The following TMTC3 variants were observed in gnomAD, a reference collection of about 807,000 sequenced individuals.
TMTC3 encodes the protein protein O-mannosyl-transferase TMTC3.
A neutral mutation model predicts 92.2 loss-of-function variants in TMTC3; 52 were observed. The observed-to-expected ratio is 0.56, with a 90% confidence interval of 0.45 to 0.71. TMTC3 has a LOEUF of 0.71. Ranked by LOEUF, TMTC3 falls within the 30% of genes least tolerant of loss-of-function variation. TMTC3 has a pLI of 0.00. For missense variants in TMTC3, 896 were observed against 1,057.1 expected (o/e 0.85, Z 2.11); for synonymous variants, 339 against 363.3 (o/e 0.93, Z 0.76).
intron 6 of TMTC3, among the ~76,000 whole-genome samples, chr12:88,163,067 C>T (rs1157940472): frequency 6.6e-6 from 1 of 152,064 alleles, no homozygotes; most frequent in Non-Finnish European, 1.5e-5. Flanking sequence ...AGGCATGCGC[C>T]ACCACGCCCA....
chr12:88,170,633 A>G (rs1337720617), intron 7 of TMTC3, among the ~76,000 whole-genome samples: 1 of 152,190 alleles, frequency 6.6e-6, no homozygotes, highest in African/African-American at 2.4e-5. Context: ...ACACCTCTAT[A>G]TTTCACAAAT....
chr12:88,195,006 T>C lies in TMTC3; in HGVS notation c.2102T>C (p.Phe701Ser), dbSNP rs770433733. Residue 701 changes from phenylalanine (F) to serine (S), a missense_variant, in exon 14 of 14, where the codon TTC (phenylalanine) becomes TCC (serine). Phe to Ser is a radical substitution (Grantham distance 155). Coordinates refer to ENST00000266712, the MANE Select transcript of TMTC3 (RefSeq NM_181783.4). ...MKKAIKLQAD[F>S]RSALFNLALL... ...AAAGCCATAAAGTTACAAGCCGACT[T>C]CCGAAGTGCTTTGTTTAATCTGGCT... The C allele has an allele frequency of 1.9e-6, 3 of 1,613,826 alleles. No homozygotes were observed. The highest frequency in any genetic ancestry group is 2.5e-6 in the Non-Finnish European group (3 of 1,179,900).
chr12:88,162,171 G>A lies in TMTC3; in HGVS notation c.797+1320G>A, dbSNP rs568962482. Among the ~76,000 whole-genome samples the A allele has an allele frequency of 7.2e-5, 11 of 151,976 alleles. No homozygotes were observed. In the South Asian group the frequency reaches 1.5e-3, roughly 20 times the overall value. ...TGAAAATGTAAATCTACTGTCTTCCGGCTTTTATTGTTTTCAGTGGGAAAA... is the reference window on the plus strand; with the variant it reads ...TGAAAATGTAAATCTACTGTCTTCCAGCTTTTATTGTTTTCAGTGGGAAAA... On this transcript the variant is annotated intron_variant, in intron 6 of 13. Coordinates refer to ENST00000266712, the MANE Select transcript of TMTC3 (RefSeq NM_181783.4).
chr12:88,173,150 C>A, intron 8 of TMTC3: 1 of 1,118,874 alleles, frequency 8.9e-7, no homozygotes, highest in Non-Finnish European at 1.1e-6. Context: ...TAATTTCTTG[C>A]TATCATCACT....
chr12:88,151,833 A>G (rs770806754), intron 2 of TMTC3, among the ~76,000 whole-genome samples: 3 of 152,208 alleles, frequency 2.0e-5, no homozygotes, highest in Non-Finnish European at 4.4e-5. Context: ...CCTTAAAAAT[A>G]GCTTTATATG....
chr12:88,153,650 A>T, intron 3 of TMTC3, 141 bp downstream of exon 3: 1 of 521,110 alleles, frequency 1.9e-6, no homozygotes, highest in Non-Finnish European at 3.3e-6. Context: ...TTAAATTCGT[A>T]CAGTTAATTC....
intron 2 of TMTC3, among the ~76,000 whole-genome samples, chr12:88,148,965 CTTTA>C (rs757764768): frequency 2.6e-5 from 4 of 151,990 alleles, no homozygotes; most frequent in Non-Finnish European, 5.9e-5. Flanking sequence ...TGCTAATTGA[CTTTA>C]TTTCTCTTTT....
intron 11 of TMTC3, among the ~76,000 whole-genome samples, 181 bp downstream of exon 11, chr12:88,189,127 T>C (rs2041411851): frequency 6.6e-6 from 1 of 151,786 alleles, no homozygotes; most frequent in African/African-American, 2.4e-5. Context: ...GGAGTCTTGC[T>C]GTATTGCCCA....
intron 4 of TMTC3, among the ~76,000 whole-genome samples, chr12:88,156,059 G>A (rs756170972): frequency 2.0e-5 from 3 of 152,092 alleles, no homozygotes; most frequent in South Asian, 2.1e-4. Context: ...GCAGTGAGTC[G>A]AGATCACGCC....
Position 88,160,856 on chromosome 12 carries a change from G to C in TMTC3, c.797+5G>C. On this transcript the variant is annotated splice_donor_5th_base_variant and intron_variant, in intron 6 of 13. Transcript: ENST00000266712. ...CCAACTTCCAGTATTCACCAGGTAT[G>C]AAATTCTGGTTCTTTGTTTTCTCCA... is the stretch of plus-strand genomic sequence containing the variant. 1 of 1,570,782 alleles carries C rather than the reference G, an allele frequency of 6.4e-7. No homozygotes were observed. Among genetic ancestry groups the C allele is most frequent in the African/African-American group, 1.4e-5 (1 of 72,728 alleles).
At chr12:88,155,749 T>C (rs1016907195) in intron 4 of TMTC3, among the ~76,000 whole-genome samples, 1 of 152,228 alleles carries the variant, frequency 6.6e-6, no homozygotes, top group Non-Finnish European at 1.5e-5. Context: ...TCCAAATACT[T>C]GTACTTGGTG....
chr12:88,189,587 G>A (rs1420191747), intron 11 of TMTC3, among the ~76,000 whole-genome samples: 1 of 152,014 alleles, frequency 6.6e-6, no homozygotes, highest in Non-Finnish European at 1.5e-5. Context: ...AAAATTAGTA[G>A]ATACATCTCT....
intron 6 of TMTC3, 41 bp downstream of exon 6, chr12:88,160,892 T>A (rs1336473918): frequency 1.3e-6 from 2 of 1,529,252 alleles, no homozygotes; most frequent in African/African-American, 2.8e-5. Context: ...TTCTTTTTTT[T>A]AACTTTGGAT....
intron 12 of TMTC3, among the ~76,000 whole-genome samples, chr12:88,190,835 A>G (rs1430435919): frequency 6.6e-6 from 1 of 152,210 alleles, no homozygotes; most frequent in African/African-American, 2.4e-5. Context: ...GTAATAGCCA[A>G]CTTAGGTTTT....
chr12:88,166,992 GTTTTTTT>G (rs36110529), intron 7 of TMTC3, among the ~76,000 whole-genome samples: 1 of 121,434 alleles, frequency 8.2e-6, no homozygotes, highest in African/African-American at 3.0e-5. Flanking sequence ...TATTTGAACA[GTTTTTTT>G]TTTTTTTTTT....
At chr12:88,175,543 C>T (rs557532436) in intron 9 of TMTC3, among the ~76,000 whole-genome samples, 2 of 152,280 alleles carry the variant, frequency 1.3e-5, no homozygotes, top group African/African-American at 4.8e-5. Flanking sequence ...TAGCTCTACT[C>T]TCTCTCCCAA....
At chr12:88,146,858 G>A (rs2138354418) in intron 1 of TMTC3, among the ~76,000 whole-genome samples, 1 of 150,032 alleles carries the variant, frequency 6.7e-6, no homozygotes, top group East Asian at 1.9e-4. Context: ...TTCAACTATA[G>A]TTGTGAATCC....
At chr12:88,170,960 T>A (rs758033467) in intron 7 of TMTC3, among the ~76,000 whole-genome samples, 1 of 152,216 alleles carries the variant, frequency 6.6e-6, no homozygotes, top group Non-Finnish European at 1.5e-5. Context: ...TATTAATAAT[T>A]TTAGAAATTC....
intron 4 of TMTC3, among the ~76,000 whole-genome samples, chr12:88,159,596 C>T (rs1275169554): frequency 2.0e-5 from 3 of 150,856 alleles, no homozygotes; most frequent in African/African-American, 2.4e-5. Context: ...GAATTCAAGG[C>T]AGTAGTGAGC....
Sources: gnomAD v4.1 joint callset for allele counts (sites outside exome capture counted in the v4.1 genomes callset) on GRCh38, gnomAD v4.1.1 for gene constraint, MANE v1.5 for transcripts, NCBI Gene and HGNC (gene_info 2026-07-23, HGNC 2026-07-21) for gene names.